The following SLC25A48 variants were observed in gnomAD, a reference collection of about 807,000 sequenced individuals.
The protein encoded by SLC25A48 is CTC-321K16.1.
In SLC25A48, 29 loss-of-function variants were observed where a neutral mutation model predicts 32.2. That is an observed-to-expected ratio of 0.90 (90% CI 0.67 to 1.23). The LOEUF (loss-of-function observed/expected upper bound fraction) is 1.23, where lower values mean the gene tolerates loss of function less well. SLC25A48 is among the 50% of genes most tolerant of loss of function. The pLI, the probability that SLC25A48 is intolerant of heterozygous loss-of-function variation, is 0.00. For synonymous variants in SLC25A48, 164 were observed against 172.3 expected (o/e 0.95, Z 0.38); for missense variants, 399 against 422.7 (o/e 0.94, Z 0.49).
intron 3 of SLC25A48, among the ~76,000 whole-genome samples, chr5:135,705,772 C>A (rs1754493234): frequency 6.6e-6 from 1 of 152,204 alleles, no homozygotes; most frequent in Non-Finnish European, 1.5e-5. Flanking sequence ...TCACCTGCAG[C>A]ATGAGGACTG....
intron 3 of SLC25A48, among the ~76,000 whole-genome samples, chr5:135,681,070 C>T (rs1213583894): frequency 3.3e-5 from 5 of 152,318 alleles, no homozygotes; most frequent in African/African-American, 1.2e-4. Context: ...ACCGCAACCT[C>T]TGCCTCCCAT....
chr5:135,667,134 G>A (rs1247561420), intron 3 of SLC25A48, among the ~76,000 whole-genome samples: 1 of 152,058 alleles, frequency 6.6e-6, no homozygotes, highest in Non-Finnish European at 1.5e-5. Flanking sequence ...TCTGGAACAT[G>A]CCCATACTTT....
At chr5:135,805,510 C>G (rs761246515) in intron 3 of SLC25A48, among the ~76,000 whole-genome samples, 1 of 151,658 alleles carries the variant, frequency 6.6e-6, no homozygotes, top group Non-Finnish European at 1.5e-5. Context: ...CTCCTAATAT[C>G]ACAGTGGGTG....
chr5:135,723,561 C>G (rs1189230754), intron 3 of SLC25A48, among the ~76,000 whole-genome samples: 2 of 138,650 alleles, frequency 1.4e-5, no homozygotes, highest in Non-Finnish European at 3.1e-5. Context: ...AAAAAAGACA[C>G]AAAACCACAC....
chr5:135,634,763 C>T (rs1752661718), intron 2 of SLC25A48: 1 of 152,224 alleles, frequency 6.6e-6, no homozygotes, highest in African/African-American at 2.4e-5. Context: ...TTTGTTTGCT[C>T]ACTAGGCAAA....
intron 3 of SLC25A48, among the ~76,000 whole-genome samples, chr5:135,770,913 A>G (rs891735154): frequency 1.3e-5 from 2 of 151,904 alleles, no homozygotes; most frequent in African/African-American, 4.8e-5. Flanking sequence ...ATATCCAGAG[A>G]AAAAGAGAAT....
At chr5:135,729,553 T>A (rs1217164309) in intron 3 of SLC25A48, among the ~76,000 whole-genome samples, 1 of 152,186 alleles carries the variant, frequency 6.6e-6, no homozygotes, top group Non-Finnish European at 1.5e-5. Context: ...AAAAGTGGCA[T>A]CTTGCTTGCA....
intron 4 of SLC25A48, among the ~76,000 whole-genome samples, chr5:135,818,922 C>T (rs1024478971): frequency 5.9e-5 from 9 of 151,514 alleles, no homozygotes; most frequent in Non-Finnish European, 1.3e-4. Context: ...CTGAAAAATA[C>T]GAAATGTGAA....
intron 1 of SLC25A48, among the ~76,000 whole-genome samples, chr5:135,600,899 C>A (rs948387607): frequency 1.3e-5 from 2 of 150,610 alleles, no homozygotes; most frequent in Non-Finnish European, 3.0e-5. Context: ...ACCATGTTTG[C>A]CAGGCTGGTC....
chr5:135,733,384 T>A (rs141822632), intron 3 of SLC25A48, among the ~76,000 whole-genome samples: 44 of 152,202 alleles, frequency 2.9e-4, no homozygotes, highest in African/African-American at 1.0e-3. Context: ...GTGTGGTATC[T>A]GGAATAATGT....
chr5:135,842,375 TC>T (rs779796395), intron 1 of SLC25A48, 40 bp from the exon 2 acceptor site: 32 of 1,609,268 alleles, frequency 2.0e-5, no homozygotes, highest in Non-Finnish European at 2.6e-5. Flanking sequence ...AAGCCAGGAG[TC>T]CAAGGGCTGA....
chr5:135,600,208 T>C lies in SLC25A48; in HGVS notation c.-849+20611T>C, dbSNP rs548596770. Among the ~76,000 whole-genome samples, 3 of 152,350 alleles carry C rather than the reference T, an allele frequency of 2.0e-5. No homozygotes were observed. The South Asian group carries it at 6.2e-4, about 32-fold the overall frequency. On this transcript the variant is annotated intron_variant, in intron 1 of 10. Coordinates refer to the SLC25A48 transcript ENST00000646290. ...AGGCGCTTCTAAGGGCCTTCACGGC[T>C]CTGATGCTGATGGATGAGACATTTC...
At chr5:135,865,559 T>C (rs943421514) in intron 4 of SLC25A48, among the ~76,000 whole-genome samples, 2 of 152,180 alleles carry the variant, frequency 1.3e-5, no homozygotes, top group African/African-American at 4.8e-5. Flanking sequence ...GCCAAGGGTG[T>C]GAGTCTTGGG....
At chr5:135,689,133 G>T (rs1252981865) in intron 3 of SLC25A48, among the ~76,000 whole-genome samples, 1 of 152,148 alleles carries the variant, frequency 6.6e-6, no homozygotes, top group Non-Finnish European at 1.5e-5. Context: ...TCATTGGTTT[G>T]CATGAAATCA....
At chr5:135,830,701 C>T (rs537323598), upstream of SLC25A48, among the ~76,000 whole-genome samples, 2 of 152,332 alleles carry the variant, frequency 1.3e-5, no homozygotes, top group East Asian at 1.9e-4. Flanking sequence ...TCAGAGCTCC[C>T]GTTGTCTGAG....
upstream of SLC25A48, among the ~76,000 whole-genome samples, chr5:135,830,145 C>A (rs977264848): frequency 6.6e-6 from 1 of 152,198 alleles, no homozygotes; most frequent in Non-Finnish European, 1.5e-5. Context: ...AGCATCTCCT[C>A]CACGGCCCAC....
intron 3 of SLC25A48, among the ~76,000 whole-genome samples, chr5:135,762,515 GAGC>G (rs1478613840): frequency 6.6e-6 from 1 of 152,098 alleles, no homozygotes; most frequent in African/African-American, 2.4e-5. Flanking sequence ...TGCAGGGGAG[GAGC>G]AGAACATTGC....
At chr5:135,855,400 T>G (rs912631878) in intron 4 of SLC25A48, among the ~76,000 whole-genome samples, 21 of 152,334 alleles carry the variant, frequency 1.4e-4, no homozygotes, top group Admixed American at 6.5e-4. Flanking sequence ...TGGCAGGTAC[T>G]CTCTAGGACC....
At chr5:135,798,779 C>T (rs1336941753) in intron 3 of SLC25A48, among the ~76,000 whole-genome samples, 1 of 151,486 alleles carries the variant, frequency 6.6e-6, no homozygotes, top group East Asian at 1.9e-4. Context: ...AGGTGTACAT[C>T]CCTCACACAT....
Sources: allele counts gnomAD v4.1 joint callset (sites outside exome capture counted in the v4.1 genomes callset), GRCh38; gene constraint gnomAD v4.1.1; transcripts MANE v1.5; gene names NCBI Gene and HGNC (gene_info 2026-07-23, HGNC 2026-07-21).